MSR1: variants seen among roughly 807,000 people sequenced by gnomAD.
MSR1 encodes macrophage scavenger receptor 1.
MSR1 carries 53 observed loss-of-function variants against 47.2 expected under a neutral mutation model. The observed-to-expected ratio is 1.12, with a 90% CI of 0.90 to 1.41. MSR1 has a LOEUF of 1.41. Among genes scored for constraint, MSR1 ranks in the 40% most tolerant of loss-of-function variants. The pLI is 0.00. For missense variants in MSR1, 786 were observed against 546.9 expected (o/e 1.44, Z -4.36); for synonymous variants, 239 against 185.6 (o/e 1.29, Z -2.34).
intron 6 of MSR1, among the ~76,000 whole-genome samples, chr8:16,150,700 T>G (rs1269110664): frequency 6.6e-6 from 1 of 152,070 alleles, no homozygotes; most frequent in African/African-American, 2.4e-5. Context: ...AGATTTGCCT[T>G]AGAAAAAAAT....
At chr8:16,126,858 T>C (rs1474309881) in intron 8 of MSR1, among the ~76,000 whole-genome samples, 6 of 152,102 alleles carry the variant, frequency 3.9e-5, no homozygotes, top group Non-Finnish European at 5.9e-5. Context: ...CACCCGGCCA[T>C]AGGTATAATT....
At chr8:16,149,857 C>G (rs1233897543) in intron 7 of MSR1, among the ~76,000 whole-genome samples, 1 of 151,662 alleles carries the variant, frequency 6.6e-6, no homozygotes, top group South Asian at 2.1e-4. Flanking sequence ...TCTTTCAACT[C>G]TCTTTGTTCA....
chr8:16,140,438 T>C (rs566973997), intron 8 of MSR1: 2 of 986,362 alleles, frequency 2.0e-6, no homozygotes, highest in East Asian at 2.3e-4. Flanking sequence ...GAGTTTTAGA[T>C]GGGATACTTA....
intron 8 of MSR1, among the ~76,000 whole-genome samples, chr8:16,136,204 TGAG>T (rs1225582262): frequency 2.0e-5 from 3 of 152,152 alleles, no homozygotes; most frequent in South Asian, 2.1e-4. Context: ...AAATCTCTCA[TGAG>T]GAGAAGACTC....
intron 8 of MSR1, among the ~76,000 whole-genome samples, chr8:16,141,728 T>C (rs1239988507): frequency 6.6e-6 from 1 of 152,072 alleles, no homozygotes; most frequent in Non-Finnish European, 1.5e-5. Context: ...ATACTGTAAC[T>C]GAAAACATTT....
chr8:16,116,707 A>C (rs1422475817), intron 9 of MSR1, among the ~76,000 whole-genome samples: 1 of 152,062 alleles, frequency 6.6e-6, no homozygotes, highest in Non-Finnish European at 1.5e-5. Context: ...AATGAATAAA[A>C]GTTTTGAGGA....
In MSR1 at chr8:16,155,142, G is replaced by A. The variant is rs544883501; in HGVS notation, c.820C>T (p.Pro274Ser). Residue 274 changes from proline (P) to serine (S), a missense_variant and splice_region_variant, in exon 6 of 10, where the codon CCT becomes TCT. By Grantham distance (74) the Pro-to-Ser change is moderately conservative. Coordinates refer to ENST00000262101, the MANE Select transcript of MSR1 (RefSeq NM_138715.3). Reference protein sequence around the residue: ...TLRNITLIQGPPGPPGEKGDR... With the variant: ...TLRNITLIQGSPGPPGEKGDR... ...CCTTTTTCACCCGGGGGTCCAGGAG[G>A]ACCTTTAAAAAAATTACAGTTACTG... The A allele has an allele frequency of 2.6e-5, 42 of 1,610,570 alleles. No individual in the cohort carries two copies. The South Asian group carries it at 4.0e-4, about 15-fold the overall frequency.
intron 8 of MSR1, among the ~76,000 whole-genome samples, chr8:16,128,795 C>T (rs1800187267): frequency 1.3e-5 from 2 of 151,858 alleles, no homozygotes; most frequent in Admixed American, 1.3e-4. Flanking sequence ...ATCACTTTGT[C>T]CCTAAAACAC....
chr8:16,140,001 C>A (rs1800510038), intron 8 of MSR1: 3 of 594,984 alleles, frequency 5.0e-6, no homozygotes, highest in Non-Finnish European at 6.3e-6. Context: ...CTCTTAGGGA[C>A]AATTAGCTCT....
rs1051859820 is a variant in MSR1, at chr8:16,109,179, C to G, written c.*906G>C. The G allele has an allele frequency of 7.9e-5, 11 of 138,744 alleles. No homozygotes were observed. The highest frequency in any genetic ancestry group is 4.2e-4 in the East Asian group (2 of 4,788). 8.6% of individuals were successfully genotyped at this position (138,744 alleles called of 1,614,324 possible). ...GGACTAAAGACGCACCCCCCACCCC[C>G]CCCCCCGCCCTTTGGTTGTAAATGT... On this transcript the variant is annotated 3_prime_UTR_variant, in exon 10 of 10. Coordinates refer to ENST00000262101, the MANE Select transcript of MSR1 (RefSeq NM_138715.3).
At chr8:16,190,881 C>T (rs1802181352) in intron 1 of MSR1, among the ~76,000 whole-genome samples, 1 of 151,918 alleles carries the variant, frequency 6.6e-6, no homozygotes, top group Non-Finnish European at 1.5e-5. Context: ...ACCACCACGC[C>T]CGGCTAATTT....
In MSR1 at chr8:16,109,922, T is replaced by C; in HGVS notation, c.*163A>G. ...AAATGATTTAAATATAGACATAAAA[T>C]AGTAAGCATGAAGGTGTTCAATATA... On this transcript the variant is annotated 3_prime_UTR_variant, in exon 10 of 10. Coordinates refer to ENST00000262101, the MANE Select transcript of MSR1 (RefSeq NM_138715.3). The C allele has an allele frequency of 1.3e-6, 1 of 763,704 alleles. No homozygotes were observed. Among genetic ancestry groups the C allele is most frequent in the South Asian group, 1.8e-5 (1 of 55,126 alleles). The allele number at this position is 763,704 out of a possible 1,614,324, so 47.3% of individuals were successfully genotyped here. A position where few individuals can be genotyped will look rare whatever the true frequency, so the allele number is the denominator to read the frequency against.
At chr8:16,173,418 T>C (rs1801546075) in intron 3 of MSR1, among the ~76,000 whole-genome samples, 4 of 152,194 alleles carry the variant, frequency 2.6e-5, no homozygotes, top group Non-Finnish European at 1.5e-5. Flanking sequence ...TGAAGCATCA[T>C]TTAGTTATAC....
intron 4 of MSR1, among the ~76,000 whole-genome samples, chr8:16,164,782 TG>T (rs1259248081): frequency 3.3e-5 from 5 of 152,064 alleles, no homozygotes; most frequent in African/African-American, 1.2e-4. Flanking sequence ...ACTTTCAGTT[TG>T]CATTGCCTCT....
At chr8:16,164,747 C>T (rs529776823) in intron 4 of MSR1, among the ~76,000 whole-genome samples, 8 of 151,904 alleles carry the variant, frequency 5.3e-5, no homozygotes, top group Middle Eastern at 3.2e-3. Context: ...AATAAAACCT[C>T]GAACTCGCAT....
intron 5 of MSR1, among the ~76,000 whole-genome samples, chr8:16,159,383 C>T (rs1223201151): frequency 6.6e-6 from 1 of 151,940 alleles, no homozygotes; most frequent in Non-Finnish European, 1.5e-5. Context: ...CCAAACTCTA[C>T]TTCACCATTT....
chr8:16,129,927 T>C (rs1410937157), intron 8 of MSR1, among the ~76,000 whole-genome samples: 1 of 152,002 alleles, frequency 6.6e-6, no homozygotes, highest in African/African-American at 2.4e-5. Flanking sequence ...AAGCCTGGAG[T>C]TGTTTCTTCA....
chr8:16,144,365 A>G (rs956236816), intron 7 of MSR1, among the ~76,000 whole-genome samples: 1 of 152,028 alleles, frequency 6.6e-6, no homozygotes, highest in African/African-American at 2.4e-5. Context: ...TTTTTCCAAC[A>G]GCCATGAGAT....
At chr8:16,123,848 C>G (rs1800066642) in intron 8 of MSR1, among the ~76,000 whole-genome samples, 1 of 152,114 alleles carries the variant, frequency 6.6e-6, no homozygotes, top group African/African-American at 2.4e-5. Flanking sequence ...CAATAGCTGA[C>G]CCAAGACCCG....
Sources: gnomAD v4.1 joint callset for allele counts (sites outside exome capture counted in the v4.1 genomes callset) on GRCh38, gnomAD v4.1.1 for gene constraint, MANE v1.5 for transcripts, NCBI Gene and HGNC (gene_info 2026-07-23, HGNC 2026-07-21) for gene names.